The following SLC38A12 variants were observed in gnomAD, a reference collection of about 807,000 sequenced individuals.
SLC38A12 encodes the protein putative sodium-coupled neutral amino acid transporter 12.
At chr17:74,838,755 A>G in the SLC38A12 span, 25 of 1,464,298 alleles carry the variant, frequency 1.7e-5, no homozygotes, top group African/African-American at 2.5e-4. Context: ...GCTTGGGGCC[A>G]GGGGCAGAGA....
At chr17:74,795,724 C>G in the SLC38A12 span, 1 of 993,700 alleles carries the variant, frequency 1.0e-6, no homozygotes, top group East Asian at 2.5e-5. Context: ...AGAATCCTTT[C>G]CCCAGAGAGG....
chr17:74,789,099 G>C, the SLC38A12 span, among the ~76,000 whole-genome samples: 1 of 152,128 alleles, frequency 6.6e-6, no homozygotes. Flanking sequence ...ACCCACACCC[G>C]CACCCAGCTC....
the SLC38A12 span, among the ~76,000 whole-genome samples, chr17:74,827,052 C>T: frequency 1.3e-5 from 2 of 152,036 alleles, no homozygotes; most frequent in Admixed American, 6.6e-5. The surrounding 1 kb of genome is among the most constrained non-coding windows in gnomAD (Gnocchi z 4.7). Flanking sequence ...CTTGACCTGG[C>T]CAGGAAGGCA....
At chr17:74,780,591 A>G in the SLC38A12 span, among the ~76,000 whole-genome samples, 2 of 151,372 alleles carry the variant, frequency 1.3e-5, no homozygotes, top group East Asian at 1.9e-4. Flanking sequence ...CTTCCCCACA[A>G]CCCCTCCTGA....
At chr17:74,837,953 G>A in the SLC38A12 span, 1 of 985,828 alleles carries the variant, frequency 1.0e-6, no homozygotes, top group Non-Finnish European at 1.2e-6. Flanking sequence ...GTGGGTCTCA[G>A]GCCCCACCCC....
chr17:74,814,309 G>A, the SLC38A12 span, among the ~76,000 whole-genome samples: 1 of 150,822 alleles, frequency 6.6e-6, no homozygotes, highest in Non-Finnish European at 1.5e-5. Flanking sequence ...CCCCCTTCCT[G>A]TGGGGATCTT....
chr17:74,837,228 G>A, the SLC38A12 span: 3 of 985,620 alleles, frequency 3.0e-6, no homozygotes, highest in African/African-American at 3.5e-5. Flanking sequence ...CCTGGGAGGC[G>A]GTAGGTGCCA....
the SLC38A12 span, among the ~76,000 whole-genome samples, chr17:74,786,982 C>T: frequency 7.9e-5 from 12 of 152,152 alleles, no homozygotes; most frequent in African/African-American, 2.9e-4. Context: ...TGAACGTGAT[C>T]GATGAGTTGG....
chr17:74,781,972 G>A, the SLC38A12 span, among the ~76,000 whole-genome samples: 5 of 152,204 alleles, frequency 3.3e-5, no homozygotes, highest in African/African-American at 7.2e-5. Context: ...TATTGCCTGG[G>A]TAGCACCTTC....
At chr17:74,787,849 A>G in the SLC38A12 span, among the ~76,000 whole-genome samples, 401 of 149,982 alleles carry the variant, frequency 2.7e-3, 2 homozygotes, top group Non-Finnish European at 4.7e-3. Context: ...GCTGGAGTGC[A>G]GTGGCACGAT....
the SLC38A12 span, chr17:74,839,197 G>A: frequency 1.3e-6 from 2 of 1,482,506 alleles, no homozygotes; most frequent in East Asian, 5.0e-5. Context: ...GCAGGTGATA[G>A]ACTGGGAAGC....
the SLC38A12 span, chr17:74,835,854 G>T: frequency 6.6e-7 from 1 of 1,514,452 alleles, no homozygotes; most frequent in East Asian, 2.3e-5. Flanking sequence ...CCGCAAAGGC[G>T]CCCCCCAGAC....
the SLC38A12 span, chr17:74,837,357 G>A: frequency 4.1e-6 from 4 of 985,540 alleles, no homozygotes; most frequent in East Asian, 3.4e-4. Context: ...GTAGCAGGCT[G>A]GATGGAGCAT....
chr17:74,790,664 C>G, the SLC38A12 span, among the ~76,000 whole-genome samples: 2 of 151,932 alleles, frequency 1.3e-5, no homozygotes, highest in South Asian at 4.1e-4. Flanking sequence ...GCCTTGTGCC[C>G]TCATGTTCAT....
chr17:74,829,595 G>A, the SLC38A12 span, among the ~76,000 whole-genome samples: 3 of 152,186 alleles, frequency 2.0e-5, no homozygotes, highest in African/African-American at 4.8e-5. This position sits in a 1 kb window ranked among gnomAD's most constrained non-coding sequence, Gnocchi z 4.1. Flanking sequence ...CTGCCCAGAA[G>A]TAGCCCTTGC....
At chr17:74,790,334 C>A in the SLC38A12 span, 2 of 1,576,512 alleles carry the variant, frequency 1.3e-6, no homozygotes, top group East Asian at 4.5e-5. Context: ...CACTTCCCTC[C>A]GGGCCACAGG....
chr17:74,824,390 G>T, the SLC38A12 span, among the ~76,000 whole-genome samples: 6 of 152,276 alleles, frequency 3.9e-5, no homozygotes, highest in East Asian at 3.9e-4. Flanking sequence ...GTGCTCACAG[G>T]CCCAGCGCAG....
the SLC38A12 span, among the ~76,000 whole-genome samples, chr17:74,816,725 GTC>G: frequency 1.1e-4 from 16 of 151,454 alleles, no homozygotes; most frequent in Non-Finnish European, 2.2e-4. Context: ...AGCGACTCGT[GTC>G]TCTGCCTCCT....
chr17:74,822,275 T>C, the SLC38A12 span, among the ~76,000 whole-genome samples: 1 of 152,186 alleles, frequency 6.6e-6, no homozygotes, highest in African/African-American at 2.4e-5. Flanking sequence ...ATTCTGCTGT[T>C]GGAGACCCTG....
Sources: allele counts gnomAD v4.1 joint callset (sites outside exome capture counted in the v4.1 genomes callset), GRCh38; gene constraint gnomAD v4.1.1; non-coding constraint Gnocchi (gnomAD v3.1); transcripts MANE v1.5; gene names NCBI Gene and HGNC (gene_info 2026-07-23, HGNC 2026-07-21).